KCNJ1: variants seen among roughly 807,000 people sequenced by gnomAD.
The protein encoded by KCNJ1 is ATP-sensitive inward rectifier potassium channel 1.
In KCNJ1, 24 loss-of-function variants were observed where a neutral mutation model predicts 21.9. The ratio of observed to expected loss-of-function variants is 1.10; its 90% confidence interval spans 0.79 to 1.54. The LOEUF is 1.54. KCNJ1 is among the 40% of genes most tolerant of loss of function. KCNJ1 has a pLI of 0.00. For missense variants in KCNJ1, 457 were observed against 455.4 expected (o/e 1.00, Z -0.03); for synonymous variants, 152 against 160.9 (o/e 0.94, Z 0.42).
intron 2 of KCNJ1, among the ~76,000 whole-genome samples, chr11:128,847,764 T>G (rs1943406106): frequency 1.3e-5 from 2 of 152,228 alleles, no homozygotes; most frequent in African/African-American, 4.8e-5. Context: ...GTCTTACCAG[T>G]CTTTGGTGGC....
intron 1 of KCNJ1, among the ~76,000 whole-genome samples, chr11:128,859,922 C>T (rs1943668417): frequency 6.6e-6 from 1 of 152,256 alleles, no homozygotes; most frequent in Admixed American, 6.5e-5. Context: ...CGTAAGTAGG[C>T]ACTGGTGCTG....
At chr11:128,863,209 A>G (rs994878745) in intron 1 of KCNJ1, among the ~76,000 whole-genome samples, 10 of 152,350 alleles carry the variant, frequency 6.6e-5, no homozygotes, top group Admixed American at 6.5e-4. Flanking sequence ...ATGGTGACAC[A>G]CTGATAGACC....
Position 128,839,880 on chromosome 11 carries a change from T to A in KCNJ1, c.364A>T (p.Thr122Ser), listed in dbSNP as rs1444805341. The change falls in exon 3 of 3, where the codon ACC (threonine) becomes TCC (serine). Residue 122 changes from threonine to serine, a missense_variant. Physicochemically the swap from Thr to Ser is moderately conservative, Grantham distance 58. Transcript: ENST00000392666. ...AFLFSLETQV[T>S]IGYGFRCVTE... is the part of the protein sequence containing the mutation. The stretch of plus-strand genomic sequence containing the variant: ...ACACACCTGAATCCATATCCAATGG[T>A]CACTTGAGTCTCCAGAGAAAACAGA... The A allele has an allele frequency of 6.2e-7, 1 of 1,614,064 alleles. No individual in the cohort carries two copies. The highest frequency in any genetic ancestry group is 8.5e-7 in the Non-Finnish European group (1 of 1,180,040).
At chr11:128,857,985 A>G (rs1306556215) in intron 1 of KCNJ1, among the ~76,000 whole-genome samples, 1 of 152,214 alleles carries the variant, frequency 6.6e-6, no homozygotes, top group Non-Finnish European at 1.5e-5. Context: ...AGGGTTTAAA[A>G]GTTTTAAAAA....
intron 2 of KCNJ1, chr11:128,842,541 G>A: frequency 6.4e-7 from 1 of 1,557,390 alleles, no homozygotes; most frequent in Non-Finnish European, 8.7e-7. Context: ...GTGTAAACTT[G>A]GAAACACTTA....
Position 128,838,803 on chromosome 11 carries a change from G to T in KCNJ1, c.*322C>A. Reference sequence around the variant, plus strand: ...GAAACTTTAAAAAATATTTTGTTTGGCCTGTTCATGAAACTTTTGATAATT... The same window carrying T: ...GAAACTTTAAAAAATATTTTGTTTGTCCTGTTCATGAAACTTTTGATAATT... On this transcript the variant is annotated 3_prime_UTR_variant, in exon 3 of 3. Transcript: ENST00000392666. 3.3e-6 allele frequency: 1 copy of T among 299,282 alleles called. No homozygotes were observed. Among genetic ancestry groups the T allele is most frequent in the Non-Finnish European group, 6.2e-6 (1 of 160,096 alleles). 18.5% of individuals were successfully genotyped at this position (299,282 alleles called of 1,614,324 possible).
intron 2 of KCNJ1, 92 bp downstream of exon 2, chr11:128,850,629 T>G: frequency 3.9e-6 from 2 of 508,870 alleles, no homozygotes; most frequent in Non-Finnish European, 5.1e-6. Flanking sequence ...CCACAGCCTT[T>G]GCTTAAGAGG....
intron 1 of KCNJ1, among the ~76,000 whole-genome samples, chr11:128,864,672 G>A (rs1186057801): frequency 6.6e-6 from 1 of 152,134 alleles, no homozygotes. Context: ...AGTCTTGAAT[G>A]TGGGAGGGTG....
chr11:128,846,125 G>T (rs1445446378), intron 2 of KCNJ1, among the ~76,000 whole-genome samples: 1 of 152,132 alleles, frequency 6.6e-6, no homozygotes, highest in Non-Finnish European at 1.5e-5. Context: ...ACAGCTAGGG[G>T]CAGCATGGCA....
At chr11:128,861,900 GA>G (rs1275576234) in intron 1 of KCNJ1, among the ~76,000 whole-genome samples, 1 of 152,092 alleles carries the variant, frequency 6.6e-6, no homozygotes, top group East Asian at 1.9e-4. Context: ...CTTCAGTGAG[GA>G]TGAGAAAACC....
intron 1 of KCNJ1, among the ~76,000 whole-genome samples, chr11:128,859,160 C>T (rs957904665): frequency 2.0e-5 from 3 of 152,162 alleles, no homozygotes; most frequent in African/African-American, 7.2e-5. Context: ...AATCTCACAG[C>T]GACCCCATGA....
At chr11:128,852,608 T>C (rs1297188475) in intron 1 of KCNJ1, among the ~76,000 whole-genome samples, 1 of 152,238 alleles carries the variant, frequency 6.6e-6, no homozygotes, top group African/African-American at 2.4e-5. Flanking sequence ...GGTGACCCTT[T>C]GTTCCATGCC....
At chr11:128,858,330 G>A (rs554191743) in intron 1 of KCNJ1, among the ~76,000 whole-genome samples, 12 of 152,268 alleles carry the variant, frequency 7.9e-5, no homozygotes. Context: ...CAACACAGCA[G>A]TGAGCCCTAC....
In KCNJ1 at chr11:128,839,643, G is replaced by A. The variant is rs200320892; in HGVS notation, c.601C>T (p.Leu201Phe). The stretch of plus-strand genomic sequence containing the variant: ...CCATAAATGTGACTGCCAATAAGAA[G>A]GCTCTTCCTGAGATTAGCCACTCGG... ...LIRVANLRKSLLIGSHIYGKL... is the reference protein window; with the variant it reads ...LIRVANLRKSFLIGSHIYGKL... Residue 201 changes from leucine to phenylalanine, a missense_variant, in exon 3 of 3, where the codon CTT (leucine) becomes TTT (phenylalanine). Coordinates refer to ENST00000392666, the MANE Select transcript of KCNJ1 (RefSeq NM_153766.3). 281 of 1,613,674 alleles carry A rather than the reference G, an allele frequency of 1.7e-4. 3 individuals are homozygous for A. In the South Asian group the frequency reaches 2.4e-3, roughly 14 times the overall value.
chr11:128,842,272 G>T (rs537153679), intron 2 of KCNJ1: 6 of 1,180,926 alleles, frequency 5.1e-6, no homozygotes, highest in Non-Finnish European at 7.5e-6. Context: ...GAGTGAAGAA[G>T]TACCCCCTGA....
intron 1 of KCNJ1, among the ~76,000 whole-genome samples, chr11:128,855,914 A>T (rs1943579839): frequency 6.6e-6 from 1 of 152,244 alleles, no homozygotes; most frequent in African/African-American, 2.4e-5. Flanking sequence ...CTCACCTGCC[A>T]GACCCAAGGA....
At chr11:128,860,283 G>C (rs994992331) in intron 1 of KCNJ1, among the ~76,000 whole-genome samples, 4 of 152,230 alleles carry the variant, frequency 2.6e-5, no homozygotes, top group African/African-American at 9.6e-5. Flanking sequence ...ACTTCAGTGA[G>C]ACATGAAGAA....
intron 1 of KCNJ1, among the ~76,000 whole-genome samples, chr11:128,856,077 C>T (rs1022655368): frequency 5.3e-5 from 8 of 151,578 alleles, no homozygotes; most frequent in Non-Finnish European, 7.4e-5. Context: ...CCAGAACTTC[C>T]GGGCGGGAAA....
At chr11:128,842,314 A>G in intron 2 of KCNJ1, 1 of 1,535,438 alleles carries the variant, frequency 6.5e-7, no homozygotes, top group South Asian at 1.1e-5. Flanking sequence ...AGTTTCCATG[A>G]CTGCATTAAT....
Sources: gnomAD v4.1 joint callset for allele counts (sites outside exome capture counted in the v4.1 genomes callset) on GRCh38, gnomAD v4.1.1 for gene constraint, MANE v1.5 for transcripts, NCBI Gene and HGNC (gene_info 2026-07-23, HGNC 2026-07-21) for gene names.